Variants in CPA5 observed in about 807,000 individuals in gnomAD.
The protein encoded by CPA5 is testicular tissue protein Li 32.
In CPA5, 38 loss-of-function variants were observed where a neutral mutation model predicts 52.2. The ratio of observed to expected loss-of-function variants is 0.73; its 90% CI spans 0.56 to 0.95. The LOEUF (loss-of-function observed/expected upper bound fraction) is 0.95. CPA5 is among the 40% of genes least tolerant of loss of function. The probability of loss-of-function intolerance (pLI) is 0.00; values close to 1 mark genes in which losing one functional copy is unlikely to be tolerated. For synonymous variants in CPA5, 198 were observed against 213.7 expected, an observed-to-expected ratio of 0.93 and a Z score of 0.64; for missense variants, 519 against 566.7, an observed-to-expected ratio of 0.92 and a Z score of 0.86.
chr7:130,355,335 T>A (rs1245297595), intron 5 of CPA5, among the ~76,000 whole-genome samples: 1 of 152,332 alleles, frequency 6.6e-6, no homozygotes, highest in East Asian at 1.9e-4. Flanking sequence ...ATTTACTACA[T>A]GCCTGGCAAA....
At chr7:130,368,089 C>T in intron 12 of CPA5, 99 bp downstream of exon 12, 1 of 1,123,586 alleles carries the variant, frequency 8.9e-7, no homozygotes, top group Non-Finnish European at 1.3e-6. Context: ...CCAAAGCTGC[C>T]TCCCACACTG....
chr7:130,372,176 A>T (rs1425575243), downstream of CPA5, among the ~76,000 whole-genome samples: 2 of 152,228 alleles, frequency 1.3e-5, no homozygotes, highest in African/African-American at 4.8e-5. Flanking sequence ...ATAATCAATA[A>T]CTAATCGACT....
intron 9 of CPA5, 105 bp from the exon 10 acceptor site, chr7:130,363,314 C>A (rs1480937047): frequency 5.6e-6 from 5 of 892,238 alleles, no homozygotes; most frequent in Non-Finnish European, 8.8e-6. Context: ...CTTTGCTCCT[C>A]CCTGCCCCAC....
In CPA5 at chr7:130,368,679, C is replaced by A; in HGVS notation, c.*82C>A. 7.2e-7 allele frequency: 1 copy of A among 1,383,860 alleles called. No individual in the cohort carries two copies. 85.7% of individuals were successfully genotyped at this position (1,383,860 alleles called of 1,614,324 possible). The stretch of plus-strand genomic sequence containing the variant: ...CGAAACCCAAGTTATGCATCCCCAT[C>A]CCCATGCCCTCATCCCGACCTCTTA... On this transcript the variant is annotated 3_prime_UTR_variant, in exon 13 of 13. Transcript: ENST00000474905.
chr7:130,368,555 G>A lies in CPA5; in HGVS notation c.1269G>A (p.Ala423=), dbSNP rs782359005. 1.7e-5 allele frequency: 28 copies of A among 1,613,912 alleles called. No homozygotes were observed. The South Asian group carries it at 1.9e-4, about 11-fold the overall frequency. The change falls in exon 13 of 13, where the codon GCG becomes GCA. Residue 423 remains alanine (A), a synonymous_variant. Coordinates refer to ENST00000474905, the MANE Select transcript of CPA5 (RefSeq NM_080385.5). ...CCACGGCCCAGGAGACGTGGATGGC[G>A]CTTCGGACCATCATGGAGCACACCC... is the stretch of plus-strand genomic sequence containing the variant. ...IIPTAQETWM[A]LRTIMEHTLN... is the part of the protein sequence containing the mutation.
Position 130,352,234 on chromosome 7 carries a change from G to A in CPA5, c.333+2125G>A, listed in dbSNP as rs573650336. ...GGGATGCTTGAGAAACATGAGGCAG[G>A]GCCATTCATTCCACTCCCAGACACA... On this transcript the variant is annotated intron_variant, in intron 5 of 12. Transcript: ENST00000474905. Among the ~76,000 whole-genome samples, 3 of 152,140 alleles carry A rather than the reference G, an allele frequency of 2.0e-5. No individual in the cohort carries two copies. The East Asian group carries it at 5.8e-4, about 30-fold the overall frequency.
chr7:130,355,396 GGTGT>G (rs147556341), intron 5 of CPA5, among the ~76,000 whole-genome samples: 181 of 149,258 alleles, frequency 1.2e-3, no homozygotes, highest in African/African-American at 4.1e-3. Context: ...TGAGAACATT[GGTGT>G]GTGTGTGTGT....
intron 9 of CPA5, 57 bp from the exon 10 acceptor site, chr7:130,363,362 C>A (rs1795898957): frequency 7.0e-7 from 1 of 1,424,922 alleles, no homozygotes; most frequent in Non-Finnish European, 9.7e-7. Context: ...ATATCAGAGG[C>A]TCCCATCCCT....
chr7:130,363,406 T>C lies in CPA5; in HGVS notation c.748-13T>C, dbSNP rs369613236. 6.4e-5 allele frequency: 100 copies of C among 1,559,944 alleles called. No individual in the cohort carries two copies. Among genetic ancestry groups the C allele is most frequent in the Non-Finnish European group, 8.1e-5 (93 of 1,150,572 alleles). ...GCCCAGTGAATGAGGTCACCTGTCCTGGGCTTTCCCAGAACCGCTTATGGC... is the reference window on the plus strand; with the variant it reads ...GCCCAGTGAATGAGGTCACCTGTCCCGGGCTTTCCCAGAACCGCTTATGGC... On this transcript the variant is annotated splice_polypyrimidine_tract_variant and intron_variant, in intron 9 of 12. Transcript: ENST00000474905.
intron 10 of CPA5, among the ~76,000 whole-genome samples, chr7:130,364,078 A>G (rs1554407583): frequency 6.6e-6 from 1 of 152,052 alleles, no homozygotes; most frequent in Non-Finnish European, 1.5e-5. Flanking sequence ...CCCAGGCTGG[A>G]GTGCAGTGGT....
At chr7:130,349,294 T>C (rs6971694) in intron 4 of CPA5, among the ~76,000 whole-genome samples, 148,669 of 152,040 alleles carry the variant, frequency 0.98, 72,779 homozygotes, top group East Asian at 1. Flanking sequence ...ATTAGCTGGG[T>C]GTGGTGGCGT....
intron 12 of CPA5, among the ~76,000 whole-genome samples, 170 bp downstream of exon 12, chr7:130,368,160 C>A (rs1413011550): frequency 6.6e-6 from 1 of 152,244 alleles, no homozygotes; most frequent in Non-Finnish European, 1.5e-5. Context: ...GTGCACAGCT[C>A]CCAGTGCCTG....
At chr7:130,364,507 T>C (rs1303661717) in intron 10 of CPA5, among the ~76,000 whole-genome samples, 1 of 152,204 alleles carries the variant, frequency 6.6e-6, no homozygotes, top group Non-Finnish European at 1.5e-5. Context: ...TTTGTATTTT[T>C]AAAAAATTTT....
In CPA5 at chr7:130,361,098, C is replaced by T. The variant is rs782246615; in HGVS notation, c.433-45C>T. 9 of 1,268,280 alleles carry T rather than the reference C, an allele frequency of 7.1e-6. No individual in the cohort carries two copies. The South Asian group carries it at 1.1e-4, about 15-fold the overall frequency. The allele number at this position is 1,268,280 out of a possible 1,614,324, so 78.6% of individuals were successfully genotyped here. ...TTCAGAGAGGCCCCAGTGTTCATCCCTCTTCCTGCTTAACTGCCAATCTTA... is the reference window on the plus strand; with the variant it reads ...TTCAGAGAGGCCCCAGTGTTCATCCTTCTTCCTGCTTAACTGCCAATCTTA... On this transcript the variant is annotated intron_variant, in intron 6 of 12. Coordinates refer to ENST00000474905, the MANE Select transcript of CPA5 (RefSeq NM_080385.5).
At chr7:130,347,953 C>A in intron 4 of CPA5, 106 bp downstream of exon 4, 2 of 820,102 alleles carry the variant, frequency 2.4e-6, no homozygotes, top group South Asian at 1.6e-5. Context: ...CTCCTGAGGT[C>A]CCTGCAAAGA....
In CPA5 at chr7:130,368,654, C is replaced by G. The variant is rs530334723; in HGVS notation, c.*57C>G. ...TCTCCCCAAGGTCTGTGGCTCCTCC[C>G]GAAACCCAAGTTATGCATCCCCATC... On this transcript the variant is annotated 3_prime_UTR_variant, in exon 13 of 13. Transcript: ENST00000474905. The G allele has an allele frequency of 1.3e-6, 2 of 1,578,794 alleles. No individual in the cohort carries two copies. Among genetic ancestry groups the G allele is most frequent in the African/African-American group, 1.4e-5 (1 of 73,824 alleles).
At chr7:130,354,327 T>C (rs782353716) in intron 5 of CPA5, among the ~76,000 whole-genome samples, 6 of 152,236 alleles carry the variant, frequency 3.9e-5, no homozygotes, top group Non-Finnish European at 8.8e-5. Flanking sequence ...TCTCATTGCT[T>C]ATATAATTTA....
downstream of CPA5, among the ~76,000 whole-genome samples, chr7:130,373,121 CG>C (rs1201146831): frequency 2.0e-5 from 3 of 152,106 alleles, no homozygotes; most frequent in African/African-American, 7.2e-5. Flanking sequence ...GAGATAATGG[CG>C]GGGGTTTAAG....
chr7:130,357,763 G>A (rs1795563627), intron 5 of CPA5, among the ~76,000 whole-genome samples: 1 of 152,112 alleles, frequency 6.6e-6, no homozygotes, highest in Non-Finnish European at 1.5e-5. Context: ...ATATTTTTGG[G>A]ATTTTAGTAT....
Sources: gnomAD v4.1 joint callset for allele counts (sites outside exome capture counted in the v4.1 genomes callset) on GRCh38, gnomAD v4.1.1 for gene constraint, MANE v1.5 for transcripts, NCBI Gene and HGNC (gene_info 2026-07-23, HGNC 2026-07-21) for gene names.